The following PSEN1 variants were observed in gnomAD, a reference collection of about 807,000 sequenced individuals.
PSEN1 encodes the protein presenilin 1.
Under a neutral mutation model 53.5 loss-of-function variants are expected in PSEN1, and 15 were observed. That is an observed-to-expected ratio of 0.28 (90% CI 0.19 to 0.43). PSEN1 has a LOEUF of 0.43. PSEN1 is among the 20% of genes least tolerant of loss of function. PSEN1 has a pLI of 1.00. For missense variants in PSEN1, 387 were observed against 571.2 expected, an observed-to-expected ratio of 0.68 and a Z score of 3.29; for synonymous variants, 208 against 209.8, an observed-to-expected ratio of 0.99 and a Z score of 0.08.
rs1899233386 is a variant in PSEN1 at position 73,202,419 on chromosome 14, TATATATATATATATATATATATA to T, written c.869-3966_869-3944del. Among the ~76,000 whole-genome samples the T allele has an allele frequency of 7.9e-3, 164 of 20,632 alleles. 3 individuals are homozygous for T. Among genetic ancestry groups the T allele is most frequent in the African/African-American group, 0.017 (113 of 6,758 alleles). The allele number at this position is 20,632 out of a possible 152,430, so 13.5% of individuals were successfully genotyped here. On this transcript the variant is annotated intron_variant, in intron 8 of 11. Transcript: ENST00000324501. ...CTGTTTTAAAATATCTATCACATACTATATATATATATATATATATATATATATATATATATATATATATTTTT... is the reference window on the plus strand; with the variant it reads ...CTGTTTTAAAATATCTATCACATACTTATATATATATATATATATATTTTT...
chr14:73,148,366 G>A (rs1272292046), intron 3 of PSEN1, among the ~76,000 whole-genome samples: 1 of 152,178 alleles, frequency 6.6e-6, no homozygotes, highest in Non-Finnish European at 1.5e-5. Context: ...GCGCCTCATA[G>A]TTCATGTTGT....
Position 73,173,578 on chromosome 14 carries a change from A to G in PSEN1, c.351A>G (p.Pro117=). ...TRKDGQLIYT[P]FTEDTETVGQ... ...TGTTTTATTGTAGAATCTATACCCCATTCACAGAAGATACCGAGACTGTGG... is the reference window on the plus strand; with the variant it reads ...TGTTTTATTGTAGAATCTATACCCCGTTCACAGAAGATACCGAGACTGTGG... The change falls in exon 5 of 12, where the codon CCA becomes CCG. Residue 117 remains proline, a synonymous_variant. Transcript: ENST00000324501. 3 of 1,614,142 alleles carry G rather than the reference A, an allele frequency of 1.9e-6. No homozygotes were observed. The highest frequency in any genetic ancestry group is 2.5e-6 in the Non-Finnish European group (3 of 1,179,970).
chr14:73,155,901 T>C (rs1365983710), intron 3 of PSEN1, among the ~76,000 whole-genome samples: 3 of 152,138 alleles, frequency 2.0e-5, no homozygotes, highest in Non-Finnish European at 4.4e-5. Context: ...AACCCTAAGG[T>C]AAACTGTGGA....
intron 5 of PSEN1, among the ~76,000 whole-genome samples, chr14:73,184,579 C>T (rs1898394750): frequency 7.4e-6 from 1 of 134,858 alleles, no homozygotes; most frequent in African/African-American, 2.8e-5. Flanking sequence ...TCCTCACTTC[C>T]CAGTAGGGGC....
chr14:73,156,161 C>T (rs990358778), intron 3 of PSEN1, among the ~76,000 whole-genome samples: 1 of 151,546 alleles, frequency 6.6e-6, no homozygotes, highest in African/African-American at 2.4e-5. Flanking sequence ...ATGGTGAAAC[C>T]CCATCTCTAT....
chr14:73,151,852 A>G, intron 3 of PSEN1, among the ~76,000 whole-genome samples: 1 of 134,162 alleles, frequency 7.5e-6, no homozygotes. Flanking sequence ...TACAGGTGTG[A>G]GCTACTGCGC....
chr14:73,200,152 T>C (rs1899119313), intron 8 of PSEN1, among the ~76,000 whole-genome samples: 1 of 152,240 alleles, frequency 6.6e-6, no homozygotes, highest in African/African-American at 2.4e-5. Flanking sequence ...TTTTATTTTT[T>C]ATTGTTTGTC....
intron 3 of PSEN1, among the ~76,000 whole-genome samples, chr14:73,151,700 T>A (rs1897228420): frequency 6.6e-6 from 1 of 151,540 alleles, no homozygotes; most frequent in African/African-American, 2.4e-5. Context: ...CCCAAGTAGC[T>A]GGGACCACAG....
intron 7 of PSEN1, among the ~76,000 whole-genome samples, chr14:73,194,199 A>G (rs1239922114): frequency 2.0e-5 from 3 of 151,904 alleles, no homozygotes; most frequent in African/African-American, 4.8e-5. Flanking sequence ...TCAGAGATTA[A>G]TATGTGACCC....
intron 5 of PSEN1, 53 bp downstream of exon 5, chr14:73,173,760 G>A: frequency 1.3e-6 from 2 of 1,588,816 alleles, no homozygotes; most frequent in Non-Finnish European, 1.7e-6. Context: ...TTATGGTTGG[G>A]TATTCTTGTC....
rs1260743710 is a variant in PSEN1, at chr14:73,192,665, C to T, written c.570C>T (p.Asn190=). 5.0e-6 allele frequency: 8 copies of T among 1,613,148 alleles called. No homozygotes were observed. The highest frequency in any genetic ancestry group is 1.7e-5 in the Admixed American group (1 of 59,962). The change falls in exon 7 of 12, where the codon AAC becomes AAT. Residue 190 remains asparagine (N), a synonymous_variant. Coordinates refer to ENST00000324501, the MANE Select transcript of PSEN1 (RefSeq NM_000021.4). The part of the protein sequence containing the change: ...IYLGEVFKTY[N]VAVDYITVAL... ...TCAGGGAAGTGTTTAAAACCTATAA[C>T]GTTGCTGTGGACTACATTACTGTTG... is the stretch of plus-strand genomic sequence containing the variant.
In PSEN1 at chr14:73,143,988, T is replaced by TA. The variant is rs530235019; in HGVS notation, c.-135-3780dup. ...GGTGACAGAGTGAGACCTTGTCTCT[T>TA]AAAAAAAAAAAAAAAAAAAAAAAAA... On this transcript the variant is annotated intron_variant, in intron 1 of 11. Transcript: ENST00000324501. 7.1e-3 allele frequency among the ~76,000 whole-genome samples: 375 copies of TA among 53,182 alleles called. 11 individuals carry two copies. Among genetic ancestry groups the TA allele is most frequent in the South Asian group, 0.018 (17 of 954 alleles). The allele number at this position is 53,182 out of a possible 152,430, so 34.9% of individuals were successfully genotyped here. A position where few individuals can be genotyped will look rare whatever the true frequency, so the allele number is the denominator to read the frequency against.
At chr14:73,206,885 G>T (rs1235474661) in intron 9 of PSEN1, among the ~76,000 whole-genome samples, 1 of 151,894 alleles carries the variant, frequency 6.6e-6, no homozygotes, top group Non-Finnish European at 1.5e-5. Context: ...AACAAAAAAA[G>T]CAAAATATAA....
At chr14:73,193,162 T>G (rs1033040841) in intron 7 of PSEN1, among the ~76,000 whole-genome samples, 2 of 151,742 alleles carry the variant, frequency 1.3e-5, no homozygotes, top group African/African-American at 4.8e-5. Flanking sequence ...ATACAAAAAT[T>G]AGCCGGGCAT....
intron 6 of PSEN1, among the ~76,000 whole-genome samples, chr14:73,191,257 T>C (rs1181164926): frequency 6.6e-6 from 1 of 152,240 alleles, no homozygotes; most frequent in African/African-American, 2.4e-5. Flanking sequence ...CAATTTCTCA[T>C]CTACTCTTCT....
At chr14:73,169,231 C>T (rs1897814170) in intron 3 of PSEN1, 1 of 152,232 alleles carries the variant, frequency 6.6e-6, no homozygotes, top group African/African-American at 2.4e-5. Context: ...ATATTGATTC[C>T]TGAGTTTTCT....
In PSEN1 at chr14:73,221,329, T is replaced by TACA. The variant is rs1566659236; in HGVS notation, c.*2040_*2041insACA. 1.3e-5 allele frequency: 2 copies of TACA among 152,256 alleles called. No homozygotes were observed. Among genetic ancestry groups the TACA allele is most frequent in the Admixed American group, 6.5e-5 (1 of 15,282 alleles). 9.4% of individuals were successfully genotyped at this position (152,256 alleles called of 1,614,324 possible). ...AAAGCACAGCTACAGCAAAGCCACCTGAATAGCAATTTGTGATTGGAAGCA... is the reference window on the plus strand; with the variant it reads ...AAAGCACAGCTACAGCAAAGCCACCTACAGAATAGCAATTTGTGATTGGAAGCA... On this transcript the variant is annotated 3_prime_UTR_variant, in exon 12 of 12. Transcript: ENST00000324501.
chr14:73,158,282 T>TTCTGTCTA (rs150258982), intron 3 of PSEN1, among the ~76,000 whole-genome samples: 5 of 141,464 alleles, frequency 3.5e-5, no homozygotes, highest in African/African-American at 1.3e-4. Context: ...TAACTTTTTT[T>TTCTGTCTA]TCTATCTATC....
chr14:73,150,418 A>G (rs1897183419), intron 3 of PSEN1, among the ~76,000 whole-genome samples: 1 of 152,200 alleles, frequency 6.6e-6, no homozygotes, highest in African/African-American at 2.4e-5. Context: ...TAGGCTTACT[A>G]TAATATTTAT....
Sources: gnomAD v4.1 joint callset for allele counts (sites outside exome capture counted in the v4.1 genomes callset) on GRCh38, gnomAD v4.1.1 for gene constraint, MANE v1.5 for transcripts, NCBI Gene and HGNC (gene_info 2026-07-23, HGNC 2026-07-21) for gene names.